The following TENM3 variants were observed in gnomAD, a reference collection of about 807,000 sequenced individuals.
TENM3 encodes teneurin-3.
TENM3 carries 63 observed loss-of-function variants against 255.1 expected under a neutral mutation model. That is an observed-to-expected ratio of 0.25 (90% confidence interval 0.20 to 0.30). TENM3 has a LOEUF of 0.30. TENM3 is among the 10% of genes least tolerant of loss of function. TENM3 has a pLI of 1.00. For synonymous variants in TENM3, 1,306 were observed against 1,322.3 expected (o/e 0.99, Z 0.27); for missense variants, 2,929 against 3,461.1 (o/e 0.85, Z 3.86).
chr4:182,214,736 A>G (rs951080649), intron 1 of TENM3, among the ~76,000 whole-genome samples: 18 of 152,176 alleles, frequency 1.2e-4, no homozygotes, highest in Admixed American at 1.2e-3. Flanking sequence ...CTTATCAACA[A>G]ATTTATAAGA....
chr4:182,194,371 G>T (rs1753709488), intron 1 of TENM3, among the ~76,000 whole-genome samples: 1 of 152,126 alleles, frequency 6.6e-6, no homozygotes, highest in African/African-American at 2.4e-5. Context: ...CAAACCTTCG[G>T]TATTTACACT....
the TENM3 span, among the ~76,000 whole-genome samples, chr4:181,779,841 A>G: frequency 4.6e-5 from 7 of 151,918 alleles, no homozygotes; most frequent in Non-Finnish European, 1.0e-4. Flanking sequence ...CCTGTGTCCA[A>G]GTGTTCTCAT....
chr4:181,612,219 A>G, the TENM3 span, among the ~76,000 whole-genome samples: 1 of 152,306 alleles, frequency 6.6e-6, no homozygotes, highest in Non-Finnish European at 1.5e-5. Flanking sequence ...CGAAAGCTCT[A>G]TAATTACTTT....
the TENM3 span, among the ~76,000 whole-genome samples, chr4:181,772,014 A>G: frequency 6.6e-6 from 1 of 152,188 alleles, no homozygotes; most frequent in Non-Finnish European, 1.5e-5. Context: ...GATCAGATTA[A>G]TTATGTAAAT....
intron 4 of TENM3, among the ~76,000 whole-genome samples, chr4:182,615,534 A>G (rs72701979): frequency 6.4e-4 from 98 of 152,308 alleles, no homozygotes; most frequent in Non-Finnish European, 1.2e-3. Context: ...ATGGAAATGT[A>G]GATATTATGA....
chr4:181,721,839 T>TAG, the TENM3 span, among the ~76,000 whole-genome samples: 3 of 151,574 alleles, frequency 2.0e-5, no homozygotes, highest in Admixed American at 6.6e-5. Flanking sequence ...GACTATGGGG[T>TAG]AGATGGTGTG....
intron 3 of TENM3, among the ~76,000 whole-genome samples, chr4:182,454,902 G>A (rs934035998): frequency 6.6e-6 from 1 of 152,082 alleles, no homozygotes; most frequent in African/African-American, 2.4e-5. Context: ...GTTTTCCTAG[G>A]CAAAGCTGTG....
At chr4:182,770,442 C>T (rs1019197082) in intron 22 of TENM3, among the ~76,000 whole-genome samples, 3 of 152,140 alleles carry the variant, frequency 2.0e-5, no homozygotes, top group South Asian at 2.1e-4. Context: ...CCCTGCACCC[C>T]GACACCTTCC....
At chr4:182,138,822 G>A in the TENM3 span, among the ~76,000 whole-genome samples, 1 of 151,938 alleles carries the variant, frequency 6.6e-6, no homozygotes, top group Non-Finnish European at 1.5e-5. Flanking sequence ...TCTTTACTTC[G>A]CATTATGATT....
chr4:182,222,876 T>A (rs531680644), intron 1 of TENM3, among the ~76,000 whole-genome samples: 1 of 152,318 alleles, frequency 6.6e-6, no homozygotes, highest in Non-Finnish European at 1.5e-5. Context: ...TTAAGGGGCC[T>A]TCTCTTGTCC....
chr4:181,552,054 CAG>C, the TENM3 span, among the ~76,000 whole-genome samples: 1 of 151,724 alleles, frequency 6.6e-6, no homozygotes, highest in Middle Eastern at 3.4e-3. Context: ...CAGAGAGAGA[CAG>C]TGTGTGTGTG....
intron 3 of TENM3, among the ~76,000 whole-genome samples, chr4:182,443,868 A>G (rs545983756): frequency 6.6e-6 from 1 of 152,330 alleles, no homozygotes; most frequent in Non-Finnish European, 1.5e-5. Context: ...GGATATCTAA[A>G]GAAAGAGCCC....
chr4:182,062,206 C>T, the TENM3 span, among the ~76,000 whole-genome samples: 2 of 151,928 alleles, frequency 1.3e-5, no homozygotes, highest in Non-Finnish European at 2.9e-5. Flanking sequence ...AAATGTGTAC[C>T]CAAGAATATG....
the TENM3 span, among the ~76,000 whole-genome samples, chr4:181,962,175 T>A: frequency 2.0e-5 from 3 of 152,220 alleles, no homozygotes; most frequent in African/African-American, 7.2e-5. Context: ...CACCTAAAAT[T>A]AAATACTCAT....
the TENM3 span, among the ~76,000 whole-genome samples, chr4:182,005,287 G>A: frequency 2.6e-5 from 4 of 152,076 alleles, no homozygotes; most frequent in Non-Finnish European, 5.9e-5. Context: ...TTCTGCATAG[G>A]GGTAGCCAGT....
chr4:181,889,100 G>C, the TENM3 span, among the ~76,000 whole-genome samples: 1 of 152,250 alleles, frequency 6.6e-6, no homozygotes, highest in South Asian at 2.1e-4. Context: ...CTTACATGGT[G>C]ACATGGTTTG....
the TENM3 span, among the ~76,000 whole-genome samples, chr4:181,762,579 A>G: frequency 8.5e-5 from 13 of 152,184 alleles, no homozygotes; most frequent in Admixed American, 3.3e-4. Flanking sequence ...TGAGACTGCT[A>G]AGAGTTTAAC....
chr4:182,078,323 A>T, the TENM3 span, among the ~76,000 whole-genome samples: 1 of 152,106 alleles, frequency 6.6e-6, no homozygotes, highest in East Asian at 1.9e-4. Flanking sequence ...GGAGATCAAG[A>T]CCATCTTGGC....
At chr4:182,680,766 G>T in intron 10 of TENM3, 29 bp downstream of exon 10, 2 of 1,461,600 alleles carry the variant, frequency 1.4e-6, no homozygotes, top group Non-Finnish European at 1.8e-6. Flanking sequence ...ACAGAAGTCT[G>T]TTGTTATCTT....
Sources: gnomAD v4.1 joint callset for allele counts (sites outside exome capture counted in the v4.1 genomes callset) on GRCh38, gnomAD v4.1.1 for gene constraint, MANE v1.5 for transcripts, NCBI Gene and HGNC (gene_info 2026-07-23, HGNC 2026-07-21) for gene names.